SHOX: variants seen among roughly 807,000 people sequenced by gnomAD.
The protein encoded by SHOX is SHOX homeobox, also known as short stature homeobox protein.
In SHOX, 12 loss-of-function variants were observed where a neutral mutation model predicts 29.6. The observed-to-expected ratio is 0.41, with a 90% CI of 0.26 to 0.66. The LOEUF (loss-of-function observed/expected upper bound fraction) is 0.66, where lower values mean the gene tolerates loss of function less well. Ranked by LOEUF, SHOX falls within the 30% of genes least tolerant of loss-of-function variation. The pLI is 0.35. For synonymous variants in SHOX, 214 were observed against 200.6 expected, an observed-to-expected ratio of 1.07 and a Z score of -0.57; for missense variants, 499 against 437.7, an observed-to-expected ratio of 1.14 and a Z score of -1.25.
rs1406438825 is a variant in SHOX at position 648,251 on chromosome X, C to T, written c.*3615C>T. On this transcript the variant is annotated 3_prime_UTR_variant, in exon 5 of 5. Coordinates refer to ENST00000686671, the MANE Select transcript of SHOX (RefSeq NM_000451.4). ...AACTTTCTGGTATTTTTAGTACAGACAGGGTTTCGGCCTCCTGAGTAGCTG... is the reference window on the plus strand; with the variant it reads ...AACTTTCTGGTATTTTTAGTACAGATAGGGTTTCGGCCTCCTGAGTAGCTG... Among the ~76,000 whole-genome samples the T allele has an allele frequency of 7.2e-6, 1 of 139,780 alleles. No homozygotes were observed. The highest frequency in any genetic ancestry group is 2.8e-5 in the African/African-American group (1 of 35,986). The allele number at this position is 139,780 out of a possible 152,430, so 91.7% of individuals were successfully genotyped here.
At chrX:654,372 A>G (rs1198583914), downstream of SHOX, among the ~76,000 whole-genome samples, 2 of 152,034 alleles carry the variant, frequency 1.3e-5, no homozygotes, top group Non-Finnish European at 2.9e-5. Context: ...AAAATTCACC[A>G]ATCAACTGCC....
At chrX:638,470 G>T (rs1158433687) in intron 2 of SHOX, among the ~76,000 whole-genome samples, 2 of 152,134 alleles carry the variant, frequency 1.3e-5, no homozygotes, top group African/African-American at 2.4e-5. Flanking sequence ...AGGTCTGAAG[G>T]CGCCAGCTTT....
chrX:624,807 C>T (rs1481704752), intron 1 of SHOX, among the ~76,000 whole-genome samples: 3 of 141,634 alleles, frequency 2.1e-5, no homozygotes, highest in South Asian at 2.2e-4. Context: ...AAAGCTTTGC[C>T]TTCTTTCCTT....
chrX:636,966 A>T (rs769509881), intron 2 of SHOX, among the ~76,000 whole-genome samples: 2,644 of 125,154 alleles, frequency 0.021, 38 homozygotes, highest in Non-Finnish European at 0.025. Flanking sequence ...ATATATATAT[A>T]TATATTTTGG....
intron 2 of SHOX, among the ~76,000 whole-genome samples, chrX:635,269 C>A (rs1408827813): frequency 1.3e-5 from 2 of 151,882 alleles, no homozygotes; most frequent in African/African-American, 2.4e-5. Context: ...GCTACAGATG[C>A]GTTTGATCCA....
downstream of SHOX, among the ~76,000 whole-genome samples, chrX:651,784 C>G (rs1040246115): frequency 3.9e-5 from 6 of 152,000 alleles, no homozygotes; most frequent in African/African-American, 1.4e-4. Context: ...GCTTGTATCC[C>G]ATCCCCTTCC....
At chrX:625,148 T>C (rs1010727992) in intron 1 of SHOX, among the ~76,000 whole-genome samples, 2 of 145,880 alleles carry the variant, frequency 1.4e-5, no homozygotes, top group African/African-American at 5.1e-5. Flanking sequence ...TCTCTTTCAT[T>C]TCTTTCCTCT....
chrX:656,721 T>C (rs75308809), intron 5 of SHOX, among the ~76,000 whole-genome samples: 78,458 of 116,214 alleles, frequency 0.68, 26,146 homozygotes, highest in East Asian at 0.81. Flanking sequence ...CGGGCGCCTG[T>C]AGTCCCAGCT....
chrX:634,923 C>T, intron 2 of SHOX, 97 bp downstream of exon 2: 3 of 1,321,368 alleles, frequency 2.3e-6, no homozygotes, highest in Admixed American at 4.8e-5. Context: ...GGGCCGCCGC[C>T]GTCCCCTTCC....
rs2053004573 is a variant in SHOX, at chrX:648,906, T to C, written c.*4270T>C. On this transcript the variant is annotated 3_prime_UTR_variant, in exon 5 of 5. Coordinates refer to ENST00000686671, the MANE Select transcript of SHOX (RefSeq NM_000451.4). ...TCTCCCTTCTCCTTCCTTCCTTCCT[T>C]CCTTTCTTTCTTTTTCTTTCTTTCT... 9.0e-6 allele frequency among the ~76,000 whole-genome samples: 1 copy of C among 111,624 alleles called. No individual in the cohort carries two copies. Among genetic ancestry groups the C allele is most frequent in the African/African-American group, 2.9e-5 (1 of 34,344 alleles). 73.2% of individuals were successfully genotyped at this position (111,624 alleles called of 152,430 possible). A position where few individuals can be genotyped will look rare whatever the true frequency, so the allele number is the denominator to read the frequency against.
Position 630,960 on chromosome X carries a change from C to T in SHOX, c.63C>T (p.Gly21=), listed in dbSNP as rs142306835. The T allele has an allele frequency of 5.8e-3, 9,312 of 1,613,250 alleles. 39 individuals carry two copies. The highest frequency in any genetic ancestry group is 6.8e-3 in the Non-Finnish European group (7,994 of 1,179,328). ...ACCAGAAAAGCAAGGACGGTAACGGCGGAGGCGGAGGCGGCGGAGGTAAGA... is the reference window on the plus strand; with the variant it reads ...ACCAGAAAAGCAAGGACGGTAACGGTGGAGGCGGAGGCGGCGGAGGTAAGA... ...SFDQKSKDGN[G]GGGGGGGKKD... is the part of the protein sequence containing the mutation. Residue 21 remains glycine (G), a synonymous_variant, in exon 1 of 5, where the codon GGC becomes GGT. Coordinates refer to ENST00000686671, the MANE Select transcript of SHOX (RefSeq NM_000451.4).
rs970001048 is a variant in SHOX at position 644,675 on chromosome X, T to C, written c.*39T>C. On this transcript the variant is annotated 3_prime_UTR_variant, in exon 5 of 5. Coordinates refer to ENST00000686671, the MANE Select transcript of SHOX (RefSeq NM_000451.4). ...CCCCCGCGCGCCCGGACTCCCGGGC[T>C]CCGCGCACCCCGCCTGCACCGCGCG... 12 of 1,400,244 alleles carry C rather than the reference T, an allele frequency of 8.6e-6. No individual in the cohort carries two copies. The highest frequency in any genetic ancestry group is 1.0e-5 in the Non-Finnish European group (11 of 1,088,720). 86.7% of individuals were successfully genotyped at this position (1,400,244 alleles called of 1,614,324 possible).
At chrX:639,569 T>A (rs1021524371) in intron 2 of SHOX, among the ~76,000 whole-genome samples, 1 of 152,068 alleles carries the variant, frequency 6.6e-6, no homozygotes, top group Non-Finnish European at 1.5e-5. Flanking sequence ...TCTACAGGAG[T>A]TGGGGGGCGG....
chrX:631,911 A>G, intron 1 of SHOX: 1 of 456,040 alleles, frequency 2.2e-6, no homozygotes, highest in Non-Finnish European at 4.4e-6. Flanking sequence ...CGCACAGAGG[A>G]GCCGTCTCCA....
At chrX:655,086 A>C (rs2053118697), downstream of SHOX, among the ~76,000 whole-genome samples, 2 of 151,910 alleles carry the variant, frequency 1.3e-5, no homozygotes, top group Non-Finnish European at 2.9e-5. Flanking sequence ...ACATCTCTAA[A>C]TAAATGAATA....
intron 2 of SHOX, among the ~76,000 whole-genome samples, chrX:639,440 C>T (rs1212566577): frequency 1.3e-5 from 2 of 152,160 alleles, no homozygotes; most frequent in East Asian, 3.9e-4. Flanking sequence ...ATTTTCTGGG[C>T]TTGGTGTGTC....
chrX:633,884 G>A (rs1480548323), intron 1 of SHOX, among the ~76,000 whole-genome samples: 4 of 152,204 alleles, frequency 2.6e-5, no homozygotes, highest in African/African-American at 7.2e-5. Context: ...GGAAACGCTT[G>A]AGGGCTGAGT....
chrX:633,516 G>C (rs2052684958), intron 1 of SHOX, among the ~76,000 whole-genome samples: 1 of 152,110 alleles, frequency 6.6e-6, no homozygotes, highest in African/African-American at 2.4e-5. Flanking sequence ...GATCGTGGAA[G>C]GAAGAAAGAC....
At position 634,708 on chromosome X, in the gene SHOX, A is replaced by G. The variant is rs988552397; in HGVS notation, c.368A>G (p.Asn123Ser). Residue 123 changes from asparagine to serine, a missense_variant, in exon 2 of 5, where the codon AAC (asparagine) becomes AGC (serine). Asn to Ser is a conservative substitution (Grantham distance 46). Coordinates refer to ENST00000686671, the MANE Select transcript of SHOX (RefSeq NM_000451.4). ...TKLKQRRSRT[N>S]FTLEQLNELE... The stretch of plus-strand genomic sequence containing the variant: ...CTGAAACAGAGGCGCAGCCGCACCA[A>G]CTTCACGCTGGAGCAGCTGAACGAG... The G allele has an allele frequency of 1.2e-6, 2 of 1,613,716 alleles. No individual in the cohort carries two copies. The highest frequency in any genetic ancestry group is 1.7e-5 in the Admixed American group (1 of 59,996).
Sources: allele counts gnomAD v4.1 joint callset (sites outside exome capture counted in the v4.1 genomes callset), GRCh38; gene constraint gnomAD v4.1.1; transcripts MANE v1.5; gene names NCBI Gene and HGNC (gene_info 2026-07-23, HGNC 2026-07-21).